Variants in PTPRN2 observed in about 807,000 individuals in gnomAD.
PTPRN2 encodes receptor-type tyrosine-protein phosphatase N2.
PTPRN2 carries 74 observed loss-of-function variants against 118.8 expected under a neutral mutation model. The ratio of observed to expected loss-of-function variants is 0.62; its 90% CI spans 0.52 to 0.76. The LOEUF (loss-of-function observed/expected upper bound fraction) is 0.76. PTPRN2 is among the 30% of genes least tolerant of loss of function. PTPRN2 has a pLI of 0.00. For missense variants in PTPRN2, 1,481 were observed against 1,394.4 expected (o/e 1.06, Z -0.99); for synonymous variants, 641 against 608.0 (o/e 1.05, Z -0.80).
In PTPRN2 at chr7:158,489,886, C is replaced by A; in HGVS notation, c.113-101G>T. 4 of 1,140,216 alleles carry A rather than the reference C, an allele frequency of 3.5e-6. No individual in the cohort carries two copies. The South Asian group carries it at 5.7e-5, about 16-fold the overall frequency. 70.6% of individuals were successfully genotyped at this position (1,140,216 alleles called of 1,614,324 possible). On this transcript the variant is annotated intron_variant, in intron 1 of 22. Coordinates refer to ENST00000389418, the MANE Select transcript of PTPRN2 (RefSeq NM_002847.5). Reference sequence around the variant, plus strand: ...CCCTGGTGAATTTCAGAGAAACCGCCGGTCAAGCAGGCTCCTCCGACCCGG... The same window carrying A: ...CCCTGGTGAATTTCAGAGAAACCGCAGGTCAAGCAGGCTCCTCCGACCCGG...
chr7:157,714,326 C>T (rs1798797574), intron 12 of PTPRN2, among the ~76,000 whole-genome samples: 1 of 152,228 alleles, frequency 6.6e-6, no homozygotes, highest in Non-Finnish European at 1.5e-5. Context: ...GAGTTACTAC[C>T]TGTGGGGTGG....
At chr7:157,551,923 G>A (rs1333419580) in intron 21 of PTPRN2, among the ~76,000 whole-genome samples, 109 of 130,822 alleles carry the variant, frequency 8.3e-4, no homozygotes, top group African/African-American at 3.1e-3. Flanking sequence ...GCACCCCATG[G>A]GCACCACGCA....
intron 12 of PTPRN2, among the ~76,000 whole-genome samples, chr7:157,760,571 C>G (rs1802070572): frequency 6.6e-6 from 1 of 152,096 alleles, no homozygotes; most frequent in Non-Finnish European, 1.5e-5. Flanking sequence ...CCCACATCTT[C>G]CCTGTGCTCC....
At chr7:157,899,261 A>G (rs1797305673) in intron 11 of PTPRN2, among the ~76,000 whole-genome samples, 2 of 152,200 alleles carry the variant, frequency 1.3e-5, no homozygotes, top group African/African-American at 4.8e-5. Flanking sequence ...CTCCAATAAA[A>G]GCCTCACCCT....
intron 12 of PTPRN2, among the ~76,000 whole-genome samples, chr7:157,737,751 C>G (rs901032416): frequency 6.6e-6 from 1 of 152,244 alleles, no homozygotes; most frequent in Admixed American, 6.5e-5. Context: ...TCGTGGGTGC[C>G]GGCTGGGGCG....
intron 2 of PTPRN2, among the ~76,000 whole-genome samples, chr7:158,417,722 CT>C (rs1814827120): frequency 1.7e-5 from 1 of 59,614 alleles, no homozygotes. Context: ...CAGTGTCCCA[CT>C]GTGTTAAGTC....
intron 9 of PTPRN2, among the ~76,000 whole-genome samples, chr7:158,123,852 A>C (rs754301584): frequency 2.0e-5 from 3 of 152,104 alleles, no homozygotes; most frequent in Non-Finnish European, 4.4e-5. Flanking sequence ...TGACCCAGGC[A>C]GAGCTGGTTC....
intron 11 of PTPRN2, among the ~76,000 whole-genome samples, chr7:157,945,494 C>G (rs1456712589): frequency 2.0e-5 from 3 of 152,162 alleles, no homozygotes; most frequent in Non-Finnish European, 4.4e-5. Context: ...GCTCAGTGAC[C>G]TGGCCCCTGA....
intron 12 of PTPRN2, among the ~76,000 whole-genome samples, chr7:157,832,225 A>C (rs1807615607): frequency 6.6e-6 from 1 of 152,204 alleles, no homozygotes; most frequent in Non-Finnish European, 1.5e-5. Context: ...TCGATGCTGC[A>C]TCTCAGGCTC....
In PTPRN2 at chr7:158,481,341, G is replaced by T. The variant is rs370860836; in HGVS notation, c.163+8394C>A. Among the ~76,000 whole-genome samples, 109 of 152,360 alleles carry T rather than the reference G, an allele frequency of 7.2e-4. 1 individual carries two copies. In the South Asian group the frequency reaches 0.022, roughly 30 times the overall value. ...CCTTTCAAAATATGGCTGCTCATCAGCAGTGCACCAGTCACCCAAGAGCTG... is the reference window on the plus strand; with the variant it reads ...CCTTTCAAAATATGGCTGCTCATCATCAGTGCACCAGTCACCCAAGAGCTG... On this transcript the variant is annotated intron_variant, in intron 2 of 22. Transcript: ENST00000389418.
chr7:158,322,179 G>A (rs986354572), intron 2 of PTPRN2, among the ~76,000 whole-genome samples: 1 of 152,172 alleles, frequency 6.6e-6, no homozygotes, highest in African/African-American at 2.4e-5. Flanking sequence ...TCCCAGGGAA[G>A]CCACAGCTCT....
intron 12 of PTPRN2, among the ~76,000 whole-genome samples, chr7:157,841,407 A>C (rs1194591538): frequency 6.6e-6 from 1 of 152,176 alleles, no homozygotes; most frequent in African/African-American, 2.4e-5. Context: ...TGGTTTTTCA[A>C]ACTTACCGTA....
At chr7:158,233,320 C>G (rs1829289103) in intron 3 of PTPRN2, among the ~76,000 whole-genome samples, 1 of 152,120 alleles carries the variant, frequency 6.6e-6, no homozygotes, top group Non-Finnish European at 1.5e-5. Flanking sequence ...TTTCCAATAG[C>G]TAAACATAAT....
intron 2 of PTPRN2, among the ~76,000 whole-genome samples, chr7:158,376,393 G>A (rs193105851): frequency 1.1e-3 from 163 of 144,744 alleles, no homozygotes; most frequent in Non-Finnish European, 1.9e-3. Flanking sequence ...GCGAGGGGGG[G>A]TCAGGGGACT....
In PTPRN2 at chr7:157,690,557, G is replaced by A. The variant is rs920655739; in HGVS notation, c.1789-7620C>T. Among the ~76,000 whole-genome samples the A allele has an allele frequency of 1.1e-4, 16 of 151,586 alleles. No homozygotes were observed. The highest frequency in any genetic ancestry group is 3.6e-4 in the African/African-American group (15 of 41,314). On this transcript the variant is annotated intron_variant, in intron 12 of 22. Transcript: ENST00000389418. This position sits in a 1 kb window ranked among gnomAD's most constrained non-coding sequence, Gnocchi z 7.1. ...CGCCCGGCACCCCTGGTTACCTGCA[G>A]CTGGGCCGGCGCCCAGCGCCCGCGC...
chr7:158,174,331 C>A (rs1001101751), intron 5 of PTPRN2, among the ~76,000 whole-genome samples: 1 of 152,214 alleles, frequency 6.6e-6, no homozygotes, highest in East Asian at 1.9e-4. Flanking sequence ...GCATCCCCAC[C>A]ACCATCATCT....
chr7:158,144,985 T>C (rs1317468479), intron 6 of PTPRN2, among the ~76,000 whole-genome samples: 5 of 143,630 alleles, frequency 3.5e-5, no homozygotes, highest in Non-Finnish European at 7.7e-5. Context: ...GGTTCCAGAA[T>C]ACCACGGCTC....
At position 158,277,744 on chromosome 7, in the gene PTPRN2, G is replaced by A. The variant is rs548777958; in HGVS notation, c.277+39075C>T. 1.2e-3 allele frequency among the ~76,000 whole-genome samples: 177 copies of A among 152,296 alleles called. 1 individual carries two copies. Among genetic ancestry groups the A allele is most frequent in the African/African-American group, 3.8e-3 (158 of 41,564 alleles). ...TACGGTCCTCCCTACTCCCTTGCCC[G>A]GCCGGGGTTGTGGTCAGGCCACCCT... On this transcript the variant is annotated intron_variant, in intron 3 of 22. Transcript: ENST00000389418.
intron 12 of PTPRN2, among the ~76,000 whole-genome samples, chr7:157,799,450 G>T (rs1360824462): frequency 6.6e-6 from 1 of 152,078 alleles, no homozygotes; most frequent in Non-Finnish European, 1.5e-5. Flanking sequence ...ACTTGGCCAA[G>T]CAGACATTTC....
Sources: gnomAD v4.1 joint callset for allele counts (sites outside exome capture counted in the v4.1 genomes callset) on GRCh38, gnomAD v4.1.1 for gene constraint, Gnocchi (gnomAD v3.1) non-coding constraint, MANE v1.5 for transcripts, NCBI Gene and HGNC (gene_info 2026-07-23, HGNC 2026-07-21) for gene names.